The following EMCN variants were observed in gnomAD, a reference collection of about 807,000 sequenced individuals.
EMCN encodes the protein endomucin.
A neutral mutation model predicts 38.4 loss-of-function variants in EMCN; 37 were observed. The ratio of observed to expected loss-of-function variants is 0.96; its 90% CI spans 0.74 to 1.27. The LOEUF is 1.27. Among genes scored for constraint, EMCN ranks in the 50% most tolerant of loss-of-function variants. The pLI, the probability that EMCN is intolerant of heterozygous loss-of-function variation, is 0.00. For synonymous variants in EMCN, 95 were observed against 100.8 expected (o/e 0.94, Z 0.35); for missense variants, 318 against 302.8 (o/e 1.05, Z -0.37).
chr4:100,508,680 T>TG (rs1296901406), intron 1 of EMCN, among the ~76,000 whole-genome samples: 1 of 152,114 alleles, frequency 6.6e-6, no homozygotes, highest in Non-Finnish European at 1.5e-5. Context: ...TCTATCCTAG[T>TG]GGGGGTGGGG....
chr4:100,463,985 A>G (rs1728250010), intron 4 of EMCN, among the ~76,000 whole-genome samples: 1 of 152,050 alleles, frequency 6.6e-6, no homozygotes, highest in African/African-American at 2.4e-5. Context: ...AAATATATTA[A>G]TCAATTATTG....
chr4:100,455,575 G>A (rs986336433), intron 4 of EMCN, among the ~76,000 whole-genome samples: 1 of 145,622 alleles, frequency 6.9e-6, no homozygotes, highest in Non-Finnish European at 1.5e-5. Flanking sequence ...CATTGTTCCT[G>A]ATGAGTCTCT....
chr4:100,450,663 C>G (rs1276171358), intron 4 of EMCN, among the ~76,000 whole-genome samples: 1 of 151,894 alleles, frequency 6.6e-6, no homozygotes, highest in African/African-American at 2.4e-5. Flanking sequence ...TAAACCATGA[C>G]GTCTGACTAA....
chr4:100,421,316 C>T lies in EMCN; in HGVS notation c.630G>A (p.Val210=). Residue 210 remains valine (V), a synonymous_variant, in exon 8 of 12, where the codon GTG becomes GTA. Transcript: ENST00000296420. ...IVITLSVFVL[V]GLYRMCWKAD... is the part of the protein sequence containing the mutation. ...CCTTCCAGCACATTCGGTACAAACC[C>T]ACCAGAACAAATACTGAAAGTGTTA... 1 of 1,612,866 alleles carries T rather than the reference C, an allele frequency of 6.2e-7. No individual in the cohort carries two copies. Among genetic ancestry groups the T allele is most frequent in the East Asian group, 2.2e-5 (1 of 44,830 alleles).
chr4:100,487,484 C>G (rs375099136), intron 1 of EMCN, among the ~76,000 whole-genome samples: 1 of 152,154 alleles, frequency 6.6e-6, no homozygotes, highest in African/African-American at 2.4e-5. Context: ...CCTATTATCT[C>G]TTGAATTAAA....
At chr4:100,428,160 C>T (rs755372503) in intron 5 of EMCN, among the ~76,000 whole-genome samples, 2 of 152,100 alleles carry the variant, frequency 1.3e-5, no homozygotes, top group Non-Finnish European at 2.9e-5. Flanking sequence ...AGCCGAAGTC[C>T]ATGCAATAGC....
chr4:100,416,580 C>T (rs1726741652), intron 9 of EMCN, among the ~76,000 whole-genome samples: 1 of 152,070 alleles, frequency 6.6e-6, no homozygotes. Context: ...AACATAAAAA[C>T]ACTTATATAA....
intron 1 of EMCN, among the ~76,000 whole-genome samples, chr4:100,500,096 A>AT (rs950622214): frequency 7.2e-5 from 11 of 151,936 alleles, no homozygotes; most frequent in Non-Finnish European, 2.9e-5. Flanking sequence ...ATACAGATTT[A>AT]TTTGTAAAAA....
chr4:100,423,539 A>G, intron 5 of EMCN, 135 bp from the exon 6 acceptor site: 1 of 642,648 alleles, frequency 1.6e-6, no homozygotes, highest in South Asian at 1.8e-5. Context: ...GATAAATGCA[A>G]TCATAACACT....
chr4:100,480,950 T>C (rs959499416), intron 1 of EMCN, among the ~76,000 whole-genome samples: 1 of 152,080 alleles, frequency 6.6e-6, no homozygotes, highest in Non-Finnish European at 1.5e-5. Flanking sequence ...ATAAAATTAT[T>C]GTAATTTATT....
At chr4:100,504,355 T>C (rs1283987383) in intron 1 of EMCN, among the ~76,000 whole-genome samples, 2 of 152,220 alleles carry the variant, frequency 1.3e-5, no homozygotes, top group African/African-American at 2.4e-5. Flanking sequence ...ATAAGCCTTG[T>C]GGGCGGCAAG....
chr4:100,482,946 G>T (rs1043916179), intron 1 of EMCN, among the ~76,000 whole-genome samples: 1 of 152,130 alleles, frequency 6.6e-6, no homozygotes, highest in African/African-American at 2.4e-5. Flanking sequence ...CAGTAAGATT[G>T]AGATGTACTG....
chr4:100,442,924 A>G (rs918392834), intron 5 of EMCN, among the ~76,000 whole-genome samples: 2 of 152,188 alleles, frequency 1.3e-5, no homozygotes, highest in South Asian at 4.1e-4. Flanking sequence ...ATCTTGGCTC[A>G]CTGAAATCTC....
At chr4:100,488,862 TAA>T (rs931162621) in intron 1 of EMCN, among the ~76,000 whole-genome samples, 1 of 152,210 alleles carries the variant, frequency 6.6e-6, no homozygotes, top group African/African-American at 2.4e-5. Flanking sequence ...GGTAAAATTT[TAA>T]AAGTTATTTT....
chr4:100,488,979 TA>T (rs999916381), intron 1 of EMCN, among the ~76,000 whole-genome samples: 6 of 152,172 alleles, frequency 3.9e-5, no homozygotes, highest in Non-Finnish European at 8.8e-5. Flanking sequence ...CAAGCACATA[TA>T]ACAATAATTA....
chr4:100,436,642 A>G (rs1478574866), intron 5 of EMCN, among the ~76,000 whole-genome samples: 1 of 152,228 alleles, frequency 6.6e-6, no homozygotes, highest in Non-Finnish European at 1.5e-5. Context: ...CTGGATAAAC[A>G]AAATCTGGTA....
chr4:100,421,139 C>CT, intron 8 of EMCN, 143 bp downstream of exon 8: 1 of 757,980 alleles, frequency 1.3e-6, no homozygotes, highest in Non-Finnish European at 2.3e-6. Flanking sequence ...TGTCTGTGCC[C>CT]TTCGTCCTTT....
chr4:100,511,116 T>C (rs1479850941), intron 1 of EMCN, among the ~76,000 whole-genome samples: 1 of 152,226 alleles, frequency 6.6e-6, no homozygotes. Context: ...TAAGTCTTTA[T>C]CCTTATTCTT....
intron 3 of EMCN, among the ~76,000 whole-genome samples, chr4:100,471,976 C>T (rs1010090991): frequency 2.0e-5 from 3 of 151,984 alleles, no homozygotes; most frequent in Non-Finnish European, 4.4e-5. Context: ...TAACATCATA[C>T]TTACTGGTGA....
Sources: gnomAD v4.1 joint callset for allele counts (sites outside exome capture counted in the v4.1 genomes callset) on GRCh38, gnomAD v4.1.1 for gene constraint, MANE v1.5 for transcripts, NCBI Gene and HGNC (gene_info 2026-07-23, HGNC 2026-07-21) for gene names.